Variants in EIF2AK1 observed in about 807,000 individuals in gnomAD.
EIF2AK1 encodes eukaryotic translation initiation factor 2-alpha kinase 1.
Under a neutral mutation model 77.9 loss-of-function variants are expected in EIF2AK1, and 54 were observed. That is an observed-to-expected ratio of 0.69 (90% CI 0.56 to 0.87). The LOEUF is 0.87. Among genes scored for constraint, EIF2AK1 ranks in the 40% least tolerant of loss-of-function variants. The pLI, the probability that EIF2AK1 is intolerant of heterozygous loss-of-function variation, is 0.00. For synonymous variants in EIF2AK1, 314 were observed against 290.5 expected (o/e 1.08, Z -0.82); for missense variants, 810 against 768.6 (o/e 1.05, Z -0.64).
At chr7:6,052,663 G>A (rs1225051635) in intron 2 of EIF2AK1, among the ~76,000 whole-genome samples, 53 of 140,004 alleles carry the variant, frequency 3.8e-4, no homozygotes, top group African/African-American at 1.4e-3. Flanking sequence ...TCTAGAGGCA[G>A]AGTCTTACTA....
At chr7:6,040,712 G>A (rs1295822617) in intron 9 of EIF2AK1, among the ~76,000 whole-genome samples, 180 bp downstream of exon 9, 1 of 152,164 alleles carries the variant, frequency 6.6e-6, no homozygotes, top group African/African-American at 2.4e-5. Context: ...ACGTGGAGGA[G>A]TTAACTAAGT....
chr7:6,058,260 T>G (rs747838709), intron 1 of EIF2AK1: 1 of 415,940 alleles, frequency 2.4e-6, no homozygotes, highest in Non-Finnish European at 4.7e-6. Context: ...AAAAAAAAAA[T>G]TAAAAAATTA....
rs55982710 is a variant in EIF2AK1 at position 6,041,137 on chromosome 7, A to C, written c.874T>G (p.Phe292Val). 1 of 1,614,052 alleles carries C rather than the reference A, an allele frequency of 6.2e-7. No homozygotes were observed. Among genetic ancestry groups the C allele is most frequent in the South Asian group, 1.1e-5 (1 of 91,078 alleles). Reference sequence around the variant, plus strand: ...TGATTTTCAGTGTCAGATTCTCCAAAGCGTTTTTCTTTTTCTGGGGTGGGC... The same window carrying C: ...TGATTTTCAGTGTCAGATTCTCCAACGCGTTTTTCTTTTTCTGGGGTGGGC... The part of the protein sequence containing the change: ...AEPTPEKEKR[F>V]GESDTENQNN... Residue 292 changes from phenylalanine to valine, a missense_variant, in exon 9 of 15, where the codon TTT becomes GTT. This residue lies in a region of EIF2AK1 where 549 missense variants were observed against 533.7 expected (regional missense o/e 1.03). Coordinates refer to ENST00000199389, the MANE Select transcript of EIF2AK1 (RefSeq NM_014413.4).
rs1162817364 is a variant in EIF2AK1, at chr7:6,037,416, C to T, written c.1332+8G>A. On this transcript the variant is annotated splice_region_variant and intron_variant, in intron 11 of 14. Coordinates refer to ENST00000199389, the MANE Select transcript of EIF2AK1 (RefSeq NM_014413.4). Reference sequence around the variant, plus strand: ...ACTGCTTTCAATGATTTCATCGCCCCCACTTACCTTCAGATCTCGGTGCAC... The same window carrying T: ...ACTGCTTTCAATGATTTCATCGCCCTCACTTACCTTCAGATCTCGGTGCAC... 1 of 1,581,932 alleles carries T rather than the reference C, an allele frequency of 6.3e-7. No individual in the cohort carries two copies. The highest frequency in any genetic ancestry group is 8.7e-7 in the Non-Finnish European group (1 of 1,153,578).
In EIF2AK1 at chr7:6,042,916, T is replaced by C. The variant is rs747949328; in HGVS notation, c.791+17A>G. 1.2e-6 allele frequency: 2 copies of C among 1,608,788 alleles called. No homozygotes were observed. The highest frequency in any genetic ancestry group is 2.2e-5 in the East Asian group (1 of 44,786). ...CAGGTGACAAGAGGTAATGTCCTAA[T>C]ATGTAAAAGGACATACCTGTCCTCT... On this transcript the variant is annotated intron_variant, in intron 8 of 14. Coordinates refer to ENST00000199389, the MANE Select transcript of EIF2AK1 (RefSeq NM_014413.4).
intron 4 of EIF2AK1, among the ~76,000 whole-genome samples, chr7:6,047,414 C>CCTGT (rs1174170234): frequency 6.6e-6 from 1 of 152,156 alleles, no homozygotes; most frequent in Non-Finnish European, 1.5e-5. Context: ...GTGGCTCACG[C>CCTGT]CTGTAATCCC....
intron 11 of EIF2AK1, among the ~76,000 whole-genome samples, chr7:6,030,841 A>C (rs2128885915): frequency 6.6e-6 from 1 of 152,314 alleles, no homozygotes; most frequent in South Asian, 2.1e-4. Context: ...CATATGTATT[A>C]GCCAGGGTTG....
At chr7:6,039,722 G>A (rs1315315446) in intron 9 of EIF2AK1, among the ~76,000 whole-genome samples, 2 of 151,574 alleles carry the variant, frequency 1.3e-5, no homozygotes, top group African/African-American at 2.4e-5. Context: ...ATCACCTGAG[G>A]TCAGGACTTT....
chr7:6,055,565 G>A lies in EIF2AK1; in HGVS notation c.119-861C>T, dbSNP rs1394121260. 3.3e-5 allele frequency among the ~76,000 whole-genome samples: 5 copies of A among 151,284 alleles called. No homozygotes were observed. In the South Asian group the frequency reaches 1.0e-3, roughly 31 times the overall value. On this transcript the variant is annotated intron_variant, in intron 1 of 14. Transcript: ENST00000199389. ...AACAAGGCAGATCAGACTGACTCCC[G>A]AACCCCATCCTCTTTGCACTGTATG...
At chr7:6,051,135 C>G (rs956679249) in intron 2 of EIF2AK1, among the ~76,000 whole-genome samples, 2 of 152,168 alleles carry the variant, frequency 1.3e-5, no homozygotes, top group African/African-American at 4.8e-5. Context: ...ATACCTTTAA[C>G]CAACATACAA....
At chr7:6,058,821 C>T in intron 1 of EIF2AK1, 145 bp downstream of exon 1, 1 of 615,798 alleles carries the variant, frequency 1.6e-6, no homozygotes, top group Non-Finnish European at 2.6e-6. Flanking sequence ...CCCCCCCTCG[C>T]ACTGCGCGGC....
chr7:6,038,711 TTCAC>T, intron 9 of EIF2AK1, 40 bp from the exon 10 acceptor site: 1 of 1,502,456 alleles, frequency 6.7e-7, no homozygotes. Flanking sequence ...CTTTGCACGA[TTCAC>T]TCGCATTATT....
At position 6,023,558 on chromosome 7, in the gene EIF2AK1, C is replaced by T. The variant is rs1787615880; in HGVS notation, c.*1115G>A. 1 of 1,614,140 alleles carries T rather than the reference C, an allele frequency of 6.2e-7. No homozygotes were observed. Among genetic ancestry groups the T allele is most frequent in the Admixed American group, 1.7e-5 (1 of 60,008 alleles). On this transcript the variant is annotated 3_prime_UTR_variant, in exon 15 of 15. Coordinates refer to ENST00000199389, the MANE Select transcript of EIF2AK1 (RefSeq NM_014413.4). ...CTCGCTGGGAATGAACTCACCGTAG[C>T]AGACGTGGTGCTGTGGTCTGTACTC... is the stretch of plus-strand genomic sequence containing the variant.
In EIF2AK1 at chr7:6,023,280, C is replaced by G. The variant is rs900020294; in HGVS notation, c.*1393G>C. Reference sequence around the variant, plus strand: ...CCTCAGGGCTGCTCTGGTGATGCTACCTGGCGTGTTTTTTCTTTTCAGTGC... The same window carrying G: ...CCTCAGGGCTGCTCTGGTGATGCTAGCTGGCGTGTTTTTTCTTTTCAGTGC... On this transcript the variant is annotated 3_prime_UTR_variant, in exon 15 of 15. Coordinates refer to ENST00000199389, the MANE Select transcript of EIF2AK1 (RefSeq NM_014413.4). 1.8e-5 allele frequency: 28 copies of G among 1,566,404 alleles called. No homozygotes were observed. The highest frequency in any genetic ancestry group is 2.4e-5 in the Non-Finnish European group (28 of 1,161,446).
chr7:6,032,818 T>A lies in EIF2AK1; in HGVS notation c.1333-3786A>T. 1 of 1,536,324 alleles carries A rather than the reference T, an allele frequency of 6.5e-7. No individual in the cohort carries two copies. Among genetic ancestry groups the A allele is most frequent in the Non-Finnish European group, 8.8e-7 (1 of 1,134,126 alleles). The stretch of plus-strand genomic sequence containing the variant: ...TAACTACACAGGGCCACTTGTAATG[T>A]GTTTTGTTTTCCCTCCAAAGCCGAC... On this transcript the variant is annotated intron_variant, in intron 11 of 14. Transcript: ENST00000199389. This position sits in a 1 kb window ranked among gnomAD's most constrained non-coding sequence, Gnocchi z 4.3.
intron 1 of EIF2AK1, among the ~76,000 whole-genome samples, chr7:6,056,611 A>ATATATATATATATAT (rs1360501857): frequency 6.4e-5 from 2 of 31,170 alleles, no homozygotes; most frequent in South Asian, 1.8e-3. Flanking sequence ...AAAAAAAAAA[A>ATATATATATATATAT]AAATATATAT....
At chr7:6,034,071 A>G in intron 11 of EIF2AK1, among the ~76,000 whole-genome samples, 1 of 151,556 alleles carries the variant, frequency 6.6e-6, no homozygotes. Flanking sequence ...TAATCCCAGC[A>G]CCATGGGAGG....
At chr7:6,037,589 A>G in intron 10 of EIF2AK1, 65 bp from the exon 11 acceptor site, 1 of 931,364 alleles carries the variant, frequency 1.1e-6, no homozygotes, top group Non-Finnish European at 1.7e-6. Context: ...GCATCTAAAT[A>G]TTAATGTCAT....
chr7:6,034,027 A>G (rs1333846128), intron 11 of EIF2AK1, among the ~76,000 whole-genome samples: 1 of 150,806 alleles, frequency 6.6e-6, no homozygotes, highest in Admixed American at 6.6e-5. Flanking sequence ...GAAAGAATTA[A>G]GTAGTATAGG....
Sources: allele counts gnomAD v4.1 joint callset (sites outside exome capture counted in the v4.1 genomes callset), GRCh38; gene constraint gnomAD v4.1.1; regional missense constraint gnomAD v4.1.1; non-coding constraint Gnocchi (gnomAD v3.1); transcripts MANE v1.5; gene names NCBI Gene and HGNC (gene_info 2026-07-23, HGNC 2026-07-21).